The following RASAL2 variants were observed in gnomAD, a reference collection of about 807,000 sequenced individuals.
The protein encoded by RASAL2 is ras GTPase-activating protein nGAP.
RASAL2 carries 58 observed loss-of-function variants against 128.9 expected under a neutral mutation model. The ratio of observed to expected loss-of-function variants is 0.45; its 90% CI spans 0.36 to 0.56. The LOEUF is 0.56. Ranked by LOEUF, RASAL2 falls within the 20% of genes least tolerant of loss-of-function variation. RASAL2 has a pLI of 0.00. For missense variants in RASAL2, 1,360 were observed against 1,601.6 expected (o/e 0.85, Z 2.57); for synonymous variants, 561 against 580.8 (o/e 0.97, Z 0.49).
At chr1:178,379,100 A>AT (rs1197934457) in intron 3 of RASAL2, among the ~76,000 whole-genome samples, 1 of 152,222 alleles carries the variant, frequency 6.6e-6, no homozygotes, top group Non-Finnish European at 1.5e-5. Flanking sequence ...ATAGACTATT[A>AT]TAAAAAAGAC....
intron 3 of RASAL2, among the ~76,000 whole-genome samples, chr1:178,324,738 T>C (rs745516939): frequency 6.6e-6 from 1 of 152,138 alleles, no homozygotes; most frequent in Non-Finnish European, 1.5e-5. Context: ...CATATGGCTC[T>C]CTTTTTAGGT....
intron 17 of RASAL2, among the ~76,000 whole-genome samples, chr1:178,472,604 C>T (rs1268504348): frequency 6.6e-6 from 1 of 152,214 alleles, no homozygotes; most frequent in Non-Finnish European, 1.5e-5. Context: ...TGAATTCCTT[C>T]CAAATGTGAC....
At chr1:178,120,221 A>G (rs1659666081) in intron 1 of RASAL2, among the ~76,000 whole-genome samples, 1 of 152,204 alleles carries the variant, frequency 6.6e-6, no homozygotes, top group Admixed American at 6.5e-5. Flanking sequence ...GGAGAATGTG[A>G]ATCACCTGTT....
At chr1:178,137,649 G>T (rs1660373678) in intron 1 of RASAL2, among the ~76,000 whole-genome samples, 1 of 152,142 alleles carries the variant, frequency 6.6e-6, no homozygotes, top group Non-Finnish European at 1.5e-5. Context: ...ACTTTTAAAT[G>T]ACTTTTTAAA....
At chr1:178,144,494 A>G (rs1483372855) in intron 1 of RASAL2, among the ~76,000 whole-genome samples, 4 of 152,146 alleles carry the variant, frequency 2.6e-5, no homozygotes, top group African/African-American at 4.8e-5. Flanking sequence ...ATTTCTGTCT[A>G]TTGCCTAATA....
intron 1 of RASAL2, among the ~76,000 whole-genome samples, chr1:178,166,944 G>A (rs1661537406): frequency 6.6e-6 from 1 of 151,928 alleles, no homozygotes; most frequent in Non-Finnish European, 1.5e-5. Flanking sequence ...CAATTATTAG[G>A]AGTCATTTTT....
chr1:178,349,514 GGGAAACTAGGCTTGT>G (rs1220060059), intron 3 of RASAL2, among the ~76,000 whole-genome samples: 1 of 152,004 alleles, frequency 6.6e-6, no homozygotes, highest in Non-Finnish European at 1.5e-5. Context: ...GAAAGCATTT[GGGAAACTAGGCTTGT>G]GGATGTATCC....
intron 3 of RASAL2, among the ~76,000 whole-genome samples, chr1:178,369,964 G>C (rs1671610573): frequency 6.6e-6 from 1 of 152,140 alleles, no homozygotes; most frequent in Admixed American, 6.5e-5. Flanking sequence ...TAAGATGTCA[G>C]GGAAGACCTG....
rs527420745 is a variant in RASAL2, at chr1:178,151,718, G to C, written c.202+57024G>C. 2.0e-5 allele frequency among the ~76,000 whole-genome samples: 3 copies of C among 152,322 alleles called. No homozygotes were observed. The South Asian group carries it at 6.2e-4, about 32-fold the overall frequency. Reference sequence around the variant, plus strand: ...CTTCCACATTGAATTATAGCTGGTTGACTCTGTGTCAGCAATAGAATACAG... The same window carrying C: ...CTTCCACATTGAATTATAGCTGGTTCACTCTGTGTCAGCAATAGAATACAG... On this transcript the variant is annotated intron_variant, in intron 1 of 17. Coordinates refer to ENST00000367649, the MANE Select transcript of RASAL2 (RefSeq NM_170692.4).
At chr1:178,267,833 C>T (rs942799830) in intron 1 of RASAL2, among the ~76,000 whole-genome samples, 10 of 151,984 alleles carry the variant, frequency 6.6e-5, no homozygotes, top group Non-Finnish European at 1.2e-4. Flanking sequence ...TCATGGAGCC[C>T]TCCTCTTCTT....
At chr1:178,100,994 TC>T (rs1472659033) in intron 1 of RASAL2, among the ~76,000 whole-genome samples, 2 of 152,226 alleles carry the variant, frequency 1.3e-5, no homozygotes, top group Non-Finnish European at 2.9e-5. Context: ...ATAATTGCTG[TC>T]TGATGTTTGT....
At position 178,384,352 on chromosome 1, in the gene RASAL2, T is replaced by C. The variant is rs199977906; in HGVS notation, c.458-5748T>C. On this transcript the variant is annotated intron_variant, in intron 3 of 17. Coordinates refer to ENST00000367649, the MANE Select transcript of RASAL2 (RefSeq NM_170692.4). ...AATATCTTTCTACATTTTATTTACC[T>C]TTCCTGCTGAATTTCCTCCTCTGAA... Among the ~76,000 whole-genome samples the C allele has an allele frequency of 2.0e-5, 3 of 152,326 alleles. No homozygotes were observed. The East Asian group carries it at 5.8e-4, about 29-fold the overall frequency.
intron 3 of RASAL2, among the ~76,000 whole-genome samples, chr1:178,300,449 A>C (rs1428820349): frequency 6.6e-6 from 1 of 152,212 alleles, no homozygotes; most frequent in Non-Finnish European, 1.5e-5. Context: ...ACTGAGGTTC[A>C]TAAGGGAGCA....
intron 1 of RASAL2, among the ~76,000 whole-genome samples, chr1:178,119,786 C>T (rs3937587): frequency 0.11 from 16,639 of 152,164 alleles, 1,161 homozygotes; most frequent in African/African-American, 0.19. Context: ...TTGCCTACCA[C>T]GGTGACTCAC....
intron 1 of RASAL2, among the ~76,000 whole-genome samples, chr1:178,164,968 A>T (rs184741616): frequency 4.6e-5 from 7 of 152,166 alleles, no homozygotes; most frequent in Non-Finnish European, 1.0e-4. Context: ...ACACTAAAAA[A>T]TAATACAAAG....
At chr1:178,320,282 CA>C (rs1455325550) in intron 3 of RASAL2, among the ~76,000 whole-genome samples, 1 of 152,220 alleles carries the variant, frequency 6.6e-6, no homozygotes. Context: ...GTGGAGCCTA[CA>C]GGGGCAGGCA....
chr1:178,365,707 A>G (rs1438561518), intron 3 of RASAL2, among the ~76,000 whole-genome samples: 3 of 152,098 alleles, frequency 2.0e-5, no homozygotes, highest in Admixed American at 1.3e-4. Context: ...TCCTGACCTC[A>G]GGTGATCCAC....
chr1:178,440,895 A>G (rs1012846714), intron 6 of RASAL2, among the ~76,000 whole-genome samples: 3 of 151,006 alleles, frequency 2.0e-5, no homozygotes, highest in Non-Finnish European at 3.0e-5. Context: ...TAGTGAGGAC[A>G]GTCTCAAGAA....
At chr1:178,210,672 C>T in intron 1 of RASAL2, among the ~76,000 whole-genome samples, 1 of 152,154 alleles carries the variant, frequency 6.6e-6, no homozygotes, top group East Asian at 1.9e-4. Context: ...GTGCATGTGC[C>T]ATATTACCTT....
Sources: allele counts gnomAD v4.1 joint callset (sites outside exome capture counted in the v4.1 genomes callset), GRCh38; gene constraint gnomAD v4.1.1; transcripts MANE v1.5; gene names NCBI Gene and HGNC (gene_info 2026-07-23, HGNC 2026-07-21).